The following DDR2 variants were observed in gnomAD, a reference collection of about 807,000 sequenced individuals.
DDR2 encodes the protein discoidin domain receptor tyrosine kinase 2.
DDR2 carries 27 observed loss-of-function variants against 94.9 expected under a neutral mutation model. The ratio of observed to expected loss-of-function variants is 0.28; its 90% CI spans 0.21 to 0.39. The LOEUF is 0.39. DDR2 is among the 10% of genes least tolerant of loss of function. The pLI, the probability that DDR2 is intolerant of heterozygous loss-of-function variation, is 1.00. For missense variants in DDR2, 783 were observed against 1,076.0 expected (o/e 0.73, Z 3.81); for synonymous variants, 382 against 377.2 (o/e 1.01, Z -0.15).
At chr1:162,695,853 T>C (rs1396087365) in intron 2 of DDR2, among the ~76,000 whole-genome samples, 4 of 152,232 alleles carry the variant, frequency 2.6e-5, no homozygotes, top group Non-Finnish European at 2.9e-5. Flanking sequence ...GTTACCATCA[T>C]TCCCATTTAA....
intron 3 of DDR2, among the ~76,000 whole-genome samples, chr1:162,724,427 A>G (rs573807355): frequency 6.6e-6 from 1 of 152,248 alleles, no homozygotes; most frequent in East Asian, 1.9e-4. Flanking sequence ...ACCTAGTCTC[A>G]TGCTAAATGA....
At chr1:162,729,553 G>C (rs911411233) in intron 3 of DDR2, among the ~76,000 whole-genome samples, 4 of 147,510 alleles carry the variant, frequency 2.7e-5, no homozygotes, top group African/African-American at 9.9e-5. Context: ...CTGCTTCAGA[G>C]GTTTTTATGA....
At position 162,780,416 on chromosome 1, in the gene DDR2, TACAC is replaced by T. The variant is rs1435099075; in HGVS notation, c.*171_*174del. The T allele has an allele frequency of 1.4e-6, 1 of 706,484 alleles. No individual in the cohort carries two copies. Among genetic ancestry groups the T allele is most frequent in the Non-Finnish European group, 2.0e-6 (1 of 498,074 alleles). The allele number at this position is 706,484 out of a possible 1,614,324, so 43.8% of individuals were successfully genotyped here. ...CCCCACTCCCTACCCCTGACTCATATACACTTTTTTTTTTTTTTACATTAAAGAA... is the reference window on the plus strand; with the variant it reads ...CCCCACTCCCTACCCCTGACTCATATTTTTTTTTTTTTTTACATTAAAGAA... On this transcript the variant is annotated 3_prime_UTR_variant, in exon 18 of 18. Transcript: ENST00000367921.
At chr1:162,723,864 T>G (rs1661532466) in intron 3 of DDR2, among the ~76,000 whole-genome samples, 1 of 152,118 alleles carries the variant, frequency 6.6e-6, no homozygotes, top group South Asian at 2.1e-4. Flanking sequence ...GAGTCCCCCT[T>G]TGGTATCCAG....
intron 3 of DDR2, among the ~76,000 whole-genome samples, chr1:162,752,156 G>A (rs1663242748): frequency 1.8e-5 from 1 of 55,282 alleles, no homozygotes; most frequent in Non-Finnish European, 5.0e-5. Context: ...AAAAAAAAGA[G>A]AAAAGAAAAA....
In DDR2 at chr1:162,770,306, C is replaced by T; in HGVS notation, c.1298C>T (p.Ser433Phe). 3 of 1,614,054 alleles carry T rather than the reference C, an allele frequency of 1.9e-6. No individual in the cohort carries two copies. The highest frequency in any genetic ancestry group is 2.5e-6 in the Non-Finnish European group (3 of 1,180,014). ...CTCCTTGCTCTTCTCTTCCAGGCTT[C>T]TCGGAGGATGCTGGATGATGAAATG... Reference protein sequence around the residue: ...QFWQKMLEKASRRMLDDEMTV... With the variant: ...QFWQKMLEKAFRRMLDDEMTV... The change falls in exon 12 of 18, where the codon TCT (serine) becomes TTT (phenylalanine). Residue 433 changes from serine to phenylalanine, a missense_variant. Coordinates refer to ENST00000367921, the MANE Select transcript of DDR2 (RefSeq NM_006182.4).
intron 3 of DDR2, among the ~76,000 whole-genome samples, chr1:162,739,720 A>G (rs1264405899): frequency 6.6e-6 from 1 of 152,236 alleles, no homozygotes; most frequent in Non-Finnish European, 1.5e-5. Context: ...ATTCTAAAAG[A>G]TACATGGGAA....
chr1:162,673,940 ACT>A (rs1659007366), intron 2 of DDR2, among the ~76,000 whole-genome samples: 1 of 151,264 alleles, frequency 6.6e-6, no homozygotes, highest in African/African-American at 2.4e-5. Context: ...TTTTACACAT[ACT>A]CTCTCTCTAG....
upstream of DDR2, among the ~76,000 whole-genome samples, chr1:162,631,844 A>T (rs1165657816): frequency 6.6e-6 from 1 of 152,100 alleles, no homozygotes; most frequent in Middle Eastern, 3.2e-3. Flanking sequence ...ACAGACCCTC[A>T]GAGGCAGCAG....
intron 2 of DDR2, among the ~76,000 whole-genome samples, chr1:162,717,973 A>C (rs1661245105): frequency 6.6e-6 from 1 of 152,102 alleles, no homozygotes; most frequent in African/African-American, 2.4e-5. Flanking sequence ...GTAATGCTTC[A>C]TTTTCTTAAG....
At chr1:162,722,562 C>A (rs1661470949) in intron 3 of DDR2, among the ~76,000 whole-genome samples, 2 of 152,120 alleles carry the variant, frequency 1.3e-5, no homozygotes, top group African/African-American at 2.4e-5. Flanking sequence ...AAATAATCAT[C>A]CCAATAATTT....
In DDR2 at chr1:162,776,337, T is replaced by A. The variant is rs746252511; in HGVS notation, c.2250T>A (p.Pro750=). 6.2e-7 allele frequency: 1 copy of A among 1,614,102 alleles called. No individual in the cohort carries two copies. Among genetic ancestry groups the A allele is most frequent in the Non-Finnish European group, 8.5e-7 (1 of 1,179,954 alleles). The part of the protein sequence containing the change: ...YYRIQGRAVL[P]IRWMSWESIL... ...GGATCCAGGGCCGGGCAGTGCTCCC[T>A]ATCCGCTGGATGTCTTGGGAGAGTA... The change falls in exon 16 of 18, where the codon CCT becomes CCA. Residue 750 remains proline (P), a synonymous_variant. Transcript: ENST00000367921.
chr1:162,652,334 A>G (rs1435838774), intron 1 of DDR2, among the ~76,000 whole-genome samples: 1 of 152,242 alleles, frequency 6.6e-6, no homozygotes, highest in Non-Finnish European at 1.5e-5. Flanking sequence ...AAGCTGAAAC[A>G]GAAGTGCAGG....
chr1:162,671,583 C>T (rs1349774553), intron 2 of DDR2, among the ~76,000 whole-genome samples: 1 of 152,106 alleles, frequency 6.6e-6, no homozygotes, highest in Non-Finnish European at 1.5e-5. Context: ...CCCTTTCCTT[C>T]TCCTCTGTGT....
At chr1:162,634,690 C>T (rs1230083557) in intron 1 of DDR2, among the ~76,000 whole-genome samples, 1 of 152,236 alleles carries the variant, frequency 6.6e-6, no homozygotes, top group Non-Finnish European at 1.5e-5. Context: ...AAATTCTCCT[C>T]CACTGGCCTG....
chr1:162,772,510 C>T (rs929991231), intron 13 of DDR2: 7 of 472,884 alleles, frequency 1.5e-5, no homozygotes, highest in Non-Finnish European at 2.3e-5. Context: ...GAAAAACATT[C>T]AATATTTTCA....
chr1:162,737,494 T>C (rs1662367463), intron 3 of DDR2, among the ~76,000 whole-genome samples: 1 of 137,020 alleles, frequency 7.3e-6, no homozygotes, highest in South Asian at 2.5e-4. Flanking sequence ...GAACTCATCA[T>C]TTTTTATGGC....
At position 162,700,843 on chromosome 1, in the gene DDR2, G is replaced by A. The variant is rs73024514; in HGVS notation, c.-27-18194G>A. Reference sequence around the variant, plus strand: ...ATGGCATAGTTCATGTCTTAAAACCGCTTATAGCTACTGGTTGAGACAGAA... The same window carrying A: ...ATGGCATAGTTCATGTCTTAAAACCACTTATAGCTACTGGTTGAGACAGAA... On this transcript the variant is annotated intron_variant, in intron 2 of 17. Transcript: ENST00000367921. 1.1e-3 allele frequency among the ~76,000 whole-genome samples: 161 copies of A among 152,192 alleles called. No homozygotes were observed. In the Middle Eastern group the frequency reaches 0.014, roughly 13 times the overall value.
rs1376609068 is a variant in DDR2 at position 162,780,615 on chromosome 1, T to C, written c.*369T>C. 1 of 196,316 alleles carries C rather than the reference T, an allele frequency of 5.1e-6. No individual in the cohort carries two copies. Among genetic ancestry groups the C allele is most frequent in the Non-Finnish European group, 1.1e-5 (1 of 94,668 alleles). 12.2% of individuals were successfully genotyped at this position (196,316 alleles called of 1,614,324 possible). A position where few individuals can be genotyped will look rare whatever the true frequency, so the allele number is the denominator to read the frequency against. ...TCTACAATATTTTTCCATGTCATTC[T>C]AAAAGAATCTTCAGAAAGAAAAACT... On this transcript the variant is annotated 3_prime_UTR_variant, in exon 18 of 18. Coordinates refer to ENST00000367921, the MANE Select transcript of DDR2 (RefSeq NM_006182.4).
Sources: gnomAD v4.1 joint callset for allele counts (sites outside exome capture counted in the v4.1 genomes callset) on GRCh38, gnomAD v4.1.1 for gene constraint, MANE v1.5 for transcripts, NCBI Gene and HGNC (gene_info 2026-07-23, HGNC 2026-07-21) for gene names.